The following KSR1 variants were observed in gnomAD, a reference collection of about 807,000 sequenced individuals.
KSR1 encodes kinase suppressor of ras 1, also known as kinase suppressor of ras.
KSR1 carries 35 observed loss-of-function variants against 92.9 expected under a neutral mutation model. The ratio of observed to expected loss-of-function variants is 0.38; its 90% CI spans 0.29 to 0.50. The LOEUF is 0.50. Among genes scored for constraint, KSR1 ranks in the 20% least tolerant of loss-of-function variants. The probability of loss-of-function intolerance (pLI) is 0.94; values close to 1 mark genes in which losing one functional copy is unlikely to be tolerated. For synonymous variants in KSR1, 467 were observed against 472.6 expected (o/e 0.99, Z 0.15); for missense variants, 972 against 1,158.5 (o/e 0.84, Z 2.34).
intron 1 of KSR1, among the ~76,000 whole-genome samples, chr17:27,460,551 G>A (rs1272075553): frequency 1.3e-5 from 2 of 152,192 alleles, no homozygotes; most frequent in Non-Finnish European, 2.9e-5. Flanking sequence ...GCTGGGAGGC[G>A]ATGTTGGGAA....
chr17:27,473,621 C>T (rs1407917746), intron 1 of KSR1, among the ~76,000 whole-genome samples: 2 of 152,098 alleles, frequency 1.3e-5, no homozygotes, highest in African/African-American at 2.4e-5. Context: ...GTTCTAGCTA[C>T]AAAGGCAACA....
At position 27,623,505 on chromosome 17, in the gene KSR1, A is replaced by G. The variant is rs1299132271; in HGVS notation, c.*113A>G. ...TGCCTGCCCAGCGCTGCAAACCAGG[A>G]GCACACGTCCTAGATTCAGACTGTT... On this transcript the variant is annotated 3_prime_UTR_variant, in exon 21 of 21. Transcript: ENST00000644974. 1.2e-5 allele frequency: 8 copies of G among 695,080 alleles called. 1 individual carries two copies. In the Admixed American group the frequency reaches 1.7e-4, roughly 15 times the overall value. 43.1% of individuals were successfully genotyped at this position (695,080 alleles called of 1,614,324 possible). A position where few individuals can be genotyped will look rare whatever the true frequency, so the allele number is the denominator to read the frequency against.
At chr17:27,588,429 G>A (rs370099545) in intron 5 of KSR1, 46 bp from the exon 6 acceptor site, 79 of 1,530,096 alleles carry the variant, frequency 5.2e-5, no homozygotes, top group African/African-American at 2.6e-4. Context: ...ACGAGCTGTC[G>A]CCTGCGGAGT....
intron 3 of KSR1, among the ~76,000 whole-genome samples, chr17:27,581,925 G>C (rs1038706086): frequency 6.6e-6 from 1 of 152,160 alleles, no homozygotes; most frequent in Non-Finnish European, 1.5e-5. Flanking sequence ...TTTCTTCCTG[G>C]ATCTTTTTTC....
chr17:27,536,630 G>A (rs1415763672), intron 1 of KSR1, among the ~76,000 whole-genome samples: 1 of 152,198 alleles, frequency 6.6e-6, no homozygotes, highest in Non-Finnish European at 1.5e-5. Flanking sequence ...ATGCCTGAGT[G>A]TGGCATTCCA....
intron 1 of KSR1, among the ~76,000 whole-genome samples, chr17:27,490,934 A>AT (rs1049214886): frequency 3.3e-5 from 5 of 152,182 alleles, no homozygotes; most frequent in African/African-American, 1.2e-4. Flanking sequence ...TTAGGTAACC[A>AT]TAAAAGGGAC....
chr17:27,542,520 A>G (rs1410997094), intron 1 of KSR1, among the ~76,000 whole-genome samples: 1 of 152,160 alleles, frequency 6.6e-6, no homozygotes, highest in Non-Finnish European at 1.5e-5. Context: ...AGCCAAGATC[A>G]TGGGTTTGAG....
At position 27,597,383 on chromosome 17, in the gene KSR1, C is replaced by T. The variant is rs2073382892; in HGVS notation, c.1415C>T (p.Thr472Ile). Residue 472 changes from threonine (T) to isoleucine (I), a missense_variant, in exon 10 of 21, where the codon ACC (threonine) becomes ATC (isoleucine). Transcript: ENST00000644974. ...FPTSSNPSSA[T>I]TPPNPSPGQR... is the part of the protein sequence containing the mutation. ...ACATCATCCAACCCATCCAGCGCCA[C>T]CACGCCCCCCAACCCCTCACCTGGC... The T allele has an allele frequency of 2.2e-5, 36 of 1,613,710 alleles. No homozygotes were observed. Among genetic ancestry groups the T allele is most frequent in the Non-Finnish European group, 3.0e-5 (35 of 1,179,722 alleles).
intron 1 of KSR1, among the ~76,000 whole-genome samples, chr17:27,475,898 A>G (rs1035439151): frequency 6.6e-6 from 1 of 152,234 alleles, no homozygotes; most frequent in Admixed American, 6.5e-5. Flanking sequence ...AATACACAGT[A>G]TTTAAGATTG....
chr17:27,553,208 C>T (rs1214924733), intron 2 of KSR1, among the ~76,000 whole-genome samples: 6 of 152,116 alleles, frequency 3.9e-5, no homozygotes, highest in South Asian at 2.1e-4. Flanking sequence ...AAGTCAAGTG[C>T]GGGGGTGGAG....
chr17:27,598,980 G>A (rs1257785295), intron 10 of KSR1, among the ~76,000 whole-genome samples: 1 of 152,218 alleles, frequency 6.6e-6, no homozygotes, highest in Non-Finnish European at 1.5e-5. Context: ...GTAAACCTGG[G>A]AAAAGATTAT....
intron 1 of KSR1, among the ~76,000 whole-genome samples, chr17:27,466,314 C>T (rs1364954886): frequency 6.6e-6 from 1 of 152,210 alleles, no homozygotes; most frequent in East Asian, 1.9e-4. Context: ...TCCCTGTAGA[C>T]TTATCCAGCC....
At chr17:27,616,087 T>A (rs998456257) in intron 18 of KSR1, among the ~76,000 whole-genome samples, 1 of 152,176 alleles carries the variant, frequency 6.6e-6, no homozygotes, top group Non-Finnish European at 1.5e-5. Context: ...AGGGTAGAGT[T>A]TTTTTGTGTG....
intron 20 of KSR1, 116 bp downstream of exon 20, chr17:27,621,389 G>A (rs545302516): frequency 2.3e-5 from 9 of 395,392 alleles, no homozygotes; most frequent in Admixed American, 8.8e-5. Context: ...ATTTATTCTC[G>A]CAAACCAAAG....
chr17:27,603,360 A>G (rs1457646439), intron 11 of KSR1, among the ~76,000 whole-genome samples: 5 of 152,192 alleles, frequency 3.3e-5, no homozygotes, highest in East Asian at 1.9e-4. Context: ...CTAATGAGCC[A>G]CCTGCATGTC....
rs1164999433 is a variant in KSR1, at chr17:27,456,912, G to A, written c.231+38G>A. 7.7e-6 allele frequency: 6 copies of A among 774,856 alleles called. No homozygotes were observed. In the South Asian group the frequency reaches 8.1e-5, roughly 10 times the overall value. The allele number at this position is 774,856 out of a possible 1,614,324, so 48.0% of individuals were successfully genotyped here. On this transcript the variant is annotated intron_variant, in intron 1 of 20. Transcript: ENST00000644974. Reference sequence around the variant, plus strand: ...GGGACCAGGCTGGGCTCGAGGAGCGGGCCCGGACACCTCCCTCCGGGCCCC... The same window carrying A: ...GGGACCAGGCTGGGCTCGAGGAGCGAGCCCGGACACCTCCCTCCGGGCCCC...
At position 27,609,932 on chromosome 17, in the gene KSR1, A is replaced by G. The variant is rs1026834109; in HGVS notation, c.2226-135A>G. The G allele has an allele frequency of 4.7e-6, 5 of 1,074,994 alleles. No homozygotes were observed. The African/African-American group carries it at 7.9e-5, about 17-fold the overall frequency. 66.6% of individuals were successfully genotyped at this position (1,074,994 alleles called of 1,614,324 possible). A position where few individuals can be genotyped will look rare whatever the true frequency, so the allele number is the denominator to read the frequency against. Reference sequence around the variant, plus strand: ...CGGTGCCTTTCCCAAGTGCAGGGTCAGTGTTCTGGGTCTGGGTGTGTTTTC... The same window carrying G: ...CGGTGCCTTTCCCAAGTGCAGGGTCGGTGTTCTGGGTCTGGGTGTGTTTTC... On this transcript the variant is annotated intron_variant, in intron 16 of 20. Coordinates refer to ENST00000644974, the MANE Select transcript of KSR1 (RefSeq NM_001394583.1).
chr17:27,490,407 T>A (rs1452344482), intron 1 of KSR1, among the ~76,000 whole-genome samples: 1 of 152,244 alleles, frequency 6.6e-6, no homozygotes, highest in African/African-American at 2.4e-5. Context: ...AGAATGAAGA[T>A]GAACGGAACC....
chr17:27,502,148 A>G (rs905943428), intron 1 of KSR1, among the ~76,000 whole-genome samples: 1 of 152,216 alleles, frequency 6.6e-6, no homozygotes, highest in Non-Finnish European at 1.5e-5. Context: ...AGAGCCTTTC[A>G]GCTAGGAAAT....
Sources: gnomAD v4.1 joint callset for allele counts (sites outside exome capture counted in the v4.1 genomes callset) on GRCh38, gnomAD v4.1.1 for gene constraint, MANE v1.5 for transcripts, NCBI Gene and HGNC (gene_info 2026-07-23, HGNC 2026-07-21) for gene names.